Variants in SAMD4B observed in about 807,000 individuals in gnomAD.
SAMD4B encodes protein Smaug homolog 2.
Under a neutral mutation model 74.5 loss-of-function variants are expected in SAMD4B, and 5 were observed. The ratio of observed to expected loss-of-function variants is 0.07; its 90% CI spans 0.04 to 0.14. The LOEUF (loss-of-function observed/expected upper bound fraction) is 0.14, where lower values mean the gene tolerates loss of function less well. SAMD4B is among the 10% of genes least tolerant of loss of function. SAMD4B has a pLI of 1.00. For synonymous variants in SAMD4B, 373 were observed against 374.9 expected (o/e 1.00, Z 0.06); for missense variants, 608 against 921.8 (o/e 0.66, Z 4.41).
chr19:39,359,631 CCT>C (rs1175105061), intron 3 of SAMD4B, among the ~76,000 whole-genome samples: 2 of 152,176 alleles, frequency 1.3e-5, no homozygotes, highest in African/African-American at 4.8e-5. Flanking sequence ...TCTGTACTCC[CCT>C]GTTACTCCCC....
In SAMD4B at chr19:39,378,368, A is replaced by G. The variant is rs2077730590; in HGVS notation, c.1445-136A>G. The G allele has an allele frequency of 1.5e-6, 1 of 687,200 alleles. No homozygotes were observed. Among genetic ancestry groups the G allele is most frequent in the Non-Finnish European group, 2.6e-6 (1 of 391,504 alleles). 42.6% of individuals were successfully genotyped at this position (687,200 alleles called of 1,614,324 possible). ...ATATCCTCATGATAACCCAAATACC[A>G]TGGCTAGCACTTAATAGTTGATATT... On this transcript the variant is annotated intron_variant, in intron 8 of 13. Coordinates refer to ENST00000610417, the MANE Select transcript of SAMD4B (RefSeq NM_001384574.2). This position sits in a 1 kb window ranked among gnomAD's most constrained non-coding sequence, Gnocchi z 4.4.
intron 1 of SAMD4B, among the ~76,000 whole-genome samples, chr19:39,343,981 G>GT: frequency 1.5e-5 from 1 of 68,248 alleles, no homozygotes; most frequent in African/African-American, 6.8e-5. Context: ...AGGTTTTCAG[G>GT]ACCCCCCCCC....
chr19:39,373,241 G>C (rs946675491), intron 4 of SAMD4B, among the ~76,000 whole-genome samples: 2 of 152,184 alleles, frequency 1.3e-5, no homozygotes, highest in South Asian at 4.1e-4. Flanking sequence ...GGTGAGGCTC[G>C]TTGGCTTTGT....
Position 39,380,738 on chromosome 19 carries a change from C to G in SAMD4B, c.1801C>G (p.Pro601Ala). The change falls in exon 11 of 14, where the codon CCT becomes GCT. Residue 601 changes from proline to alanine, a missense_variant. Physicochemically the swap from Pro to Ala is conservative, Grantham distance 27 (BLOSUM62 -1). Transcript: ENST00000610417. Reference sequence around the variant, plus strand: ...CCCCTCGGGCATTGGGGGTGTCTCCCCTCGACATGCCCTCACCAGCCCCAG... The same window carrying G: ...CCCCTCGGGCATTGGGGGTGTCTCCGCTCGACATGCCCTCACCAGCCCCAG... ...LSPSGIGGVS[P>A]RHALTSPSLG... 2 of 1,599,202 alleles carry G rather than the reference C, an allele frequency of 1.3e-6. No homozygotes were observed. The highest frequency in any genetic ancestry group is 2.2e-5 in the South Asian group (2 of 89,400).
chr19:39,388,991 G>A (rs2078314145), downstream of SAMD4B: 2 of 1,614,140 alleles, frequency 1.2e-6, no homozygotes, highest in East Asian at 2.2e-5. Context: ...GGTGTGACTC[G>A]GGGTTTGCTG....
intron 3 of SAMD4B, 166 bp from the exon 4 acceptor site, chr19:39,369,489 G>T (rs1600560694): frequency 1.6e-6 from 1 of 618,770 alleles, no homozygotes; most frequent in East Asian, 2.8e-5. Context: ...GGCAGGGTCA[G>T]TGTGTTTGAT....
downstream of SAMD4B, chr19:39,386,779 C>CG: frequency 6.2e-7 from 1 of 1,613,910 alleles, no homozygotes; most frequent in Non-Finnish European, 8.5e-7. This position sits in a 1 kb window ranked among gnomAD's most constrained non-coding sequence, Gnocchi z 6.1. Flanking sequence ...AGCCTTGGCC[C>CG]GGCGCTTACT....
At chr19:39,390,428 A>C (rs1168537414), downstream of SAMD4B, 4 of 762,362 alleles carry the variant, frequency 5.2e-6, no homozygotes, top group Non-Finnish European at 9.0e-6. Flanking sequence ...GGAGTGTCCA[A>C]ATGCTTTAAT....
chr19:39,377,976 G>A lies in SAMD4B; in HGVS notation c.1444+152G>A. 4 of 779,192 alleles carry A rather than the reference G, an allele frequency of 5.1e-6. No homozygotes were observed. In the South Asian group the frequency reaches 5.8e-5, roughly 11 times the overall value. 48.3% of individuals were successfully genotyped at this position (779,192 alleles called of 1,614,324 possible). A position where few individuals can be genotyped will look rare whatever the true frequency, so the allele number is the denominator to read the frequency against. On this transcript the variant is annotated intron_variant, in intron 8 of 13. Transcript: ENST00000610417. ...CTACAGAGAGTAGCCAAGACAGGGT[G>A]ACAAGGCCCCTTGCCCTTGGGCACG... is the stretch of plus-strand genomic sequence containing the variant.
rs560553083 is a variant in SAMD4B, at chr19:39,377,385, A to C, written c.1105-100A>C. The stretch of plus-strand genomic sequence containing the variant: ...TCTATGTGCTGGAACCCAGGGTCCT[A>C]CCCAGCCTTCTGCAAGCCCTGTCTG... On this transcript the variant is annotated intron_variant, in intron 7 of 13. Transcript: ENST00000610417. 3 of 1,039,776 alleles carry C rather than the reference A, an allele frequency of 2.9e-6. No individual in the cohort carries two copies. In the African/African-American group the frequency reaches 4.8e-5, roughly 17 times the overall value. The allele number at this position is 1,039,776 out of a possible 1,614,324, so 64.4% of individuals were successfully genotyped here.
intron 4 of SAMD4B, among the ~76,000 whole-genome samples, chr19:39,373,778 A>G (rs1451129199): frequency 1.3e-5 from 2 of 151,738 alleles, no homozygotes; most frequent in African/African-American, 2.4e-5. Context: ...CCTAAGCAAC[A>G]TGGAGAAACC....
chr19:39,386,127 TTGC>T, downstream of SAMD4B: 2 of 1,614,106 alleles, frequency 1.2e-6, no homozygotes, highest in Non-Finnish European at 1.7e-6. The surrounding 1 kb of genome is among the most constrained non-coding windows in gnomAD (Gnocchi z 6.1). Flanking sequence ...GCCACCCCCA[TTGC>T]TGCCGCTGTC....
Position 39,378,485 on chromosome 19 carries a change from C to T in SAMD4B, c.1445-19C>T, listed in dbSNP as rs768885850. ...GCATACTAGGGGTTAACCTCCTGCC[C>T]TTTCTCATGTCCCCCCAGTGTGCAC... On this transcript the variant is annotated intron_variant, in intron 8 of 13. Transcript: ENST00000610417. This position sits in a 1 kb window ranked among gnomAD's most constrained non-coding sequence, Gnocchi z 4.4. 5.0e-6 allele frequency: 8 copies of T among 1,612,764 alleles called. No homozygotes were observed. In the South Asian group the frequency reaches 8.8e-5, roughly 18 times the overall value.
Position 39,383,361 on chromosome 19 carries a change from CAG to C in SAMD4B, c.2056+73_2056+74del, listed in dbSNP as rs774568251. Reference sequence around the variant, plus strand: ...GTCTCTGCCTCTGAACTGAGCAACTCAGAGTCATCCTGAGGGGTCCCCAGGGG... The same window carrying C: ...GTCTCTGCCTCTGAACTGAGCAACTCAGTCATCCTGAGGGGTCCCCAGGGG... On this transcript the variant is annotated intron_variant, in intron 13 of 13. Transcript: ENST00000610417. The surrounding 1 kb of genome is among the most constrained non-coding windows in gnomAD (Gnocchi z 4.1). The C allele has an allele frequency of 8.2e-6, 13 of 1,584,192 alleles. No homozygotes were observed. In the African/African-American group the frequency reaches 1.3e-4, roughly 16 times the overall value.
intron 4 of SAMD4B, among the ~76,000 whole-genome samples, chr19:39,371,274 G>A (rs536786182): frequency 4.6e-5 from 7 of 152,310 alleles, no homozygotes; most frequent in African/African-American, 1.7e-4. Flanking sequence ...GGTCCCTAAT[G>A]CCCCGCTGTC....
At chr19:39,372,865 A>T (rs564152409) in intron 4 of SAMD4B, among the ~76,000 whole-genome samples, 1 of 152,258 alleles carries the variant, frequency 6.6e-6, no homozygotes, top group African/African-American at 2.4e-5. Flanking sequence ...ATGTTCCCCA[A>T]GAGTGCTGAG....
chr19:39,359,510 T>C (rs1053721111), intron 3 of SAMD4B, among the ~76,000 whole-genome samples: 2 of 152,228 alleles, frequency 1.3e-5, no homozygotes, highest in African/African-American at 4.8e-5. Context: ...TGGCCAAACA[T>C]GCATATTAAC....
At chr19:39,389,590 G>A (rs777272876), downstream of SAMD4B, 24 of 1,614,034 alleles carry the variant, frequency 1.5e-5, 1 homozygote, top group South Asian at 2.5e-4. This position sits in a 1 kb window ranked among gnomAD's most constrained non-coding sequence, Gnocchi z 5.3. Flanking sequence ...GGAGGCCCAG[G>A]CCTGAGCCTT....
At chr19:39,377,165 T>C (rs920180505) in intron 7 of SAMD4B, among the ~76,000 whole-genome samples, 6 of 152,198 alleles carry the variant, frequency 3.9e-5, no homozygotes, top group Non-Finnish European at 5.9e-5. Flanking sequence ...TGATTCCGTT[T>C]CCTTGCCACT....
Sources: gnomAD v4.1 joint callset for allele counts (sites outside exome capture counted in the v4.1 genomes callset) on GRCh38, gnomAD v4.1.1 for gene constraint, Gnocchi (gnomAD v3.1) non-coding constraint, MANE v1.5 for transcripts, NCBI Gene and HGNC (gene_info 2026-07-23, HGNC 2026-07-21) for gene names.